Variants in MVB12B observed in about 807,000 individuals in gnomAD.
MVB12B encodes the protein ESCRT-I complex subunit MVB12B.
MVB12B carries 16 observed loss-of-function variants against 41.6 expected under a neutral mutation model. The ratio of observed to expected loss-of-function variants is 0.38; its 90% CI spans 0.26 to 0.58. The LOEUF (loss-of-function observed/expected upper bound fraction) is 0.58, where lower values mean the gene tolerates loss of function less well. MVB12B is among the 20% of genes least tolerant of loss of function. MVB12B has a pLI of 0.62. For missense variants in MVB12B, 274 were observed against 380.2 expected (o/e 0.72, Z 2.32); for synonymous variants, 133 against 139.7 (o/e 0.95, Z 0.34).
intron 2 of MVB12B, among the ~76,000 whole-genome samples, chr9:126,341,835 A>AC (rs980755886): frequency 2.0e-5 from 3 of 151,770 alleles, no homozygotes; most frequent in African/African-American, 4.8e-5. Context: ...GGGCAGAATC[A>AC]CCCCCCATTG....
chr9:126,396,130 A>C, intron 6 of MVB12B: 1 of 991,134 alleles, frequency 1.0e-6, no homozygotes, highest in Non-Finnish European at 1.2e-6. Flanking sequence ...TTCTTTTTCC[A>C]ATGAGCTATA....
rs1830814056 is a variant in MVB12B at position 126,386,968 on chromosome 9, T to G, written c.409+310T>G. Reference sequence around the variant, plus strand: ...AGTTTGTCTTTAGTCCTTCCTCTGGTGTTGCTGAAGCCAAGCTTGGCATAA... The same window carrying G: ...AGTTTGTCTTTAGTCCTTCCTCTGGGGTTGCTGAAGCCAAGCTTGGCATAA... On this transcript the variant is annotated intron_variant, in intron 4 of 9. Coordinates refer to ENST00000361171, the MANE Select transcript of MVB12B (RefSeq NM_033446.3). This position sits in a 1 kb window ranked among gnomAD's most constrained non-coding sequence, Gnocchi z 4.3. Among the ~76,000 whole-genome samples, 1 of 152,090 alleles carries G rather than the reference T, an allele frequency of 6.6e-6. No individual in the cohort carries two copies. Among genetic ancestry groups the G allele is most frequent in the Admixed American group, 6.5e-5 (1 of 15,272 alleles).
intron 7 of MVB12B, among the ~76,000 whole-genome samples, chr9:126,449,464 T>G (rs1303934577): frequency 6.6e-6 from 1 of 152,134 alleles, no homozygotes; most frequent in Non-Finnish European, 1.5e-5. Flanking sequence ...TGGTTTCAGA[T>G]GAGAGTGACC....
intron 7 of MVB12B, among the ~76,000 whole-genome samples, chr9:126,471,226 T>G (rs1833308925): frequency 6.6e-6 from 1 of 152,246 alleles, no homozygotes; most frequent in South Asian, 2.1e-4. Context: ...TGTTGCTGTC[T>G]GATCCCTCAG....
At chr9:126,332,706 C>T (rs191242886) in intron 1 of MVB12B, among the ~76,000 whole-genome samples, 249 of 147,132 alleles carry the variant, frequency 1.7e-3, no homozygotes, top group Non-Finnish European at 3.0e-3. Flanking sequence ...CTTTATGTGG[C>T]CCCACCCCTT....
intron 6 of MVB12B, among the ~76,000 whole-genome samples, chr9:126,416,785 C>T (rs1463531707): frequency 1.3e-5 from 2 of 152,224 alleles, no homozygotes; most frequent in Admixed American, 6.5e-5. Flanking sequence ...GTGATGAGGC[C>T]GGGTGATATA....
rs1204604532 is a variant in MVB12B, at chr9:126,389,015, T to G, written c.409+2357T>G. Among the ~76,000 whole-genome samples, 1 of 152,218 alleles carries G rather than the reference T, an allele frequency of 6.6e-6. No homozygotes were observed. Among genetic ancestry groups the G allele is most frequent in the Non-Finnish European group, 1.5e-5 (1 of 68,034 alleles). Reference sequence around the variant, plus strand: ...TTTCCATTCTGCATTTTCCTCTAGGTTAGTTGGACCAGTTCACTGAGGCTC... The same window carrying G: ...TTTCCATTCTGCATTTTCCTCTAGGGTAGTTGGACCAGTTCACTGAGGCTC... On this transcript the variant is annotated intron_variant, in intron 4 of 9. Transcript: ENST00000361171. The surrounding 1 kb of genome is among the most constrained non-coding windows in gnomAD (Gnocchi z 4.4).
chr9:126,353,617 G>A (rs1378697820), intron 2 of MVB12B, among the ~76,000 whole-genome samples: 5 of 152,168 alleles, frequency 3.3e-5, no homozygotes, highest in African/African-American at 1.2e-4. Flanking sequence ...TGTTACCTTA[G>A]TGTTATTATT....
chr9:126,476,191 C>G (rs1347089016), intron 7 of MVB12B, among the ~76,000 whole-genome samples: 3 of 150,558 alleles, frequency 2.0e-5, no homozygotes. Flanking sequence ...CCGCAATGGT[C>G]TCACATCTCA....
intron 7 of MVB12B, among the ~76,000 whole-genome samples, chr9:126,424,209 G>T (rs1832105966): frequency 6.6e-6 from 1 of 152,182 alleles, no homozygotes; most frequent in Admixed American, 6.5e-5. Context: ...TGTATGTATG[G>T]TTGTTAAAGT....
chr9:126,481,522 C>A, intron 8 of MVB12B, 98 bp downstream of exon 8: 2 of 871,594 alleles, frequency 2.3e-6, no homozygotes, highest in South Asian at 2.8e-5. Context: ...TCTGGCAGTA[C>A]TCACGCCCCT....
intron 9 of MVB12B, among the ~76,000 whole-genome samples, chr9:126,501,646 G>C (rs1482924909): frequency 6.6e-6 from 1 of 152,246 alleles, no homozygotes; most frequent in Non-Finnish European, 1.5e-5. Flanking sequence ...GTGCTGGGCT[G>C]TGACTTGCTG....
chr9:126,495,191 C>CA (rs5900709), intron 9 of MVB12B, among the ~76,000 whole-genome samples: 3,866 of 131,882 alleles, frequency 0.029, 217 homozygotes, highest in African/African-American at 0.1. Context: ...GATCCTGTCT[C>CA]AAAAAAAAAA....
chr9:126,410,975 C>T (rs979967930), intron 6 of MVB12B, among the ~76,000 whole-genome samples: 3 of 151,736 alleles, frequency 2.0e-5, no homozygotes, highest in African/African-American at 2.4e-5. Context: ...GCAGCCTCCA[C>T]CTCCCAGGTT....
At chr9:126,350,544 G>A (rs148576667) in intron 2 of MVB12B, among the ~76,000 whole-genome samples, 43 of 152,356 alleles carry the variant, frequency 2.8e-4, no homozygotes, top group Middle Eastern at 3.4e-3. Context: ...CACATCTGGT[G>A]AGGGCCTTCT....
At chr9:126,335,293 C>T in intron 1 of MVB12B, 2 of 1,293,302 alleles carry the variant, frequency 1.5e-6, no homozygotes, top group South Asian at 2.5e-5. Flanking sequence ...CCTGAGGCTC[C>T]ACAGTGACAG....
At chr9:126,461,910 C>T (rs964073010) in intron 7 of MVB12B, among the ~76,000 whole-genome samples, 1 of 152,184 alleles carries the variant, frequency 6.6e-6, no homozygotes, top group African/African-American at 2.4e-5. Flanking sequence ...CACCCAGCAG[C>T]GGAATATGAC....
rs35160593 is a variant in MVB12B, at chr9:126,476,876, C to CAAA, written c.758-4474_758-4472dup. ...TGGGAGACAGAGCGAGACTCCATCT[C>CAAA]AAAAAAAAAAAAAAAAAAAAATGTA... On this transcript the variant is annotated intron_variant, in intron 7 of 9. Transcript: ENST00000361171. Among the ~76,000 whole-genome samples the CAAA allele has an allele frequency of 4.1e-3, 263 of 63,556 alleles. 3 individuals are homozygous for CAAA. Among genetic ancestry groups the CAAA allele is most frequent in the South Asian group, 0.028 (49 of 1,732 alleles). The allele number at this position is 63,556 out of a possible 152,430, so 41.7% of individuals were successfully genotyped here. A position where few individuals can be genotyped will look rare whatever the true frequency, so the allele number is the denominator to read the frequency against.
Position 126,326,871 on chromosome 9 carries a change from G to C in MVB12B, c.-59G>C, listed in dbSNP as rs1273067373. ...TCTCGGTGAGGCTCGCGCTCGAGCTGCGGCGCCGGCTCCTGCCGCCTGGGC... is the reference window on the plus strand; with the variant it reads ...TCTCGGTGAGGCTCGCGCTCGAGCTCCGGCGCCGGCTCCTGCCGCCTGGGC... On this transcript the variant is annotated 5_prime_UTR_variant, in exon 1 of 10. Coordinates refer to ENST00000361171, the MANE Select transcript of MVB12B (RefSeq NM_033446.3). 1 of 164,604 alleles carries C rather than the reference G, an allele frequency of 6.1e-6. No homozygotes were observed. The highest frequency in any genetic ancestry group is 1.2e-5 in the Non-Finnish European group (1 of 80,896). The allele number at this position is 164,604 out of a possible 1,614,324, so 10.2% of individuals were successfully genotyped here. A position where few individuals can be genotyped will look rare whatever the true frequency, so the allele number is the denominator to read the frequency against.
Sources: allele counts gnomAD v4.1 joint callset (sites outside exome capture counted in the v4.1 genomes callset), GRCh38; gene constraint gnomAD v4.1.1; non-coding constraint Gnocchi (gnomAD v3.1); transcripts MANE v1.5; gene names NCBI Gene and HGNC (gene_info 2026-07-23, HGNC 2026-07-21).